The following DMD variants were observed in gnomAD, a reference collection of about 807,000 sequenced individuals.
The protein encoded by DMD is dystrophin.
Under a neutral mutation model 330.1 loss-of-function variants are expected in DMD, and 63 were observed. The ratio of observed to expected loss-of-function variants is 0.19; its 90% CI spans 0.16 to 0.24. The LOEUF is 0.24. Among genes scored for constraint, DMD ranks in the 10% least tolerant of loss-of-function variants. The probability of loss-of-function intolerance (pLI) is 1.00; values close to 1 mark genes in which losing one functional copy is unlikely to be tolerated. For missense variants in DMD, 3,344 were observed against 2,684.1 expected, an observed-to-expected ratio of 1.25 and a Z score of -5.43; for synonymous variants, 1,223 against 959.8, an observed-to-expected ratio of 1.27 and a Z score of -5.07.
intron 34 of DMD, among the ~76,000 whole-genome samples, chrX:32,377,415 G>A (rs998403077): frequency 5.4e-5 from 6 of 111,762 alleles, no homozygotes; most frequent in African/African-American, 1.9e-4. Flanking sequence ...TGTCGATGGT[G>A]AGTTTTCTTT....
At chrX:32,969,700 C>A (rs1158698684) in intron 2 of DMD, among the ~76,000 whole-genome samples, 1 of 94,491 alleles carries the variant, frequency 1.1e-5, no homozygotes, top group Non-Finnish European at 2.0e-5. Context: ...TGTATGTATG[C>A]ATACATATGC....
intron 2 of DMD, among the ~76,000 whole-genome samples, chrX:32,905,987 A>G (rs2086693738): frequency 8.9e-6 from 1 of 112,156 alleles, no homozygotes; most frequent in African/African-American, 3.2e-5. Flanking sequence ...TGAATGAATG[A>G]ATGAGTTAAT....
At chrX:31,397,096 G>T (rs2060980317) in intron 60 of DMD, among the ~76,000 whole-genome samples, 1 of 111,835 alleles carries the variant, frequency 8.9e-6, no homozygotes, top group East Asian at 2.8e-4. Flanking sequence ...CTTTGATGGG[G>T]CTCCTTTATT....
chrX:32,119,265 C>T (rs765367030), intron 44 of DMD, among the ~76,000 whole-genome samples: 11 of 102,064 alleles, frequency 1.1e-4, no homozygotes, highest in Middle Eastern at 5.5e-3. Flanking sequence ...ACCTGGGACG[C>T]GGAGGTTTCA....
intron 49 of DMD, among the ~76,000 whole-genome samples, chrX:31,833,660 AAG>A (rs767250145): frequency 9.0e-6 from 1 of 111,145 alleles, no homozygotes; most frequent in Non-Finnish European, 1.9e-5. Flanking sequence ...GGAAAGAAGA[AAG>A]AGGAAAGAAA....
intron 41 of DMD, among the ~76,000 whole-genome samples, chrX:32,336,333 A>AC (rs1221107480): frequency 3.6e-5 from 4 of 111,911 alleles, no homozygotes; most frequent in Non-Finnish European, 7.5e-5. Context: ...ATTTTAAATA[A>AC]CACATTTATT....
chrX:33,256,753 A>T (rs2052863262), intron 1 of DMD, among the ~76,000 whole-genome samples: 2 of 110,581 alleles, frequency 1.8e-5, no homozygotes, highest in Non-Finnish European at 3.8e-5. Flanking sequence ...TAGTAAGTGT[A>T]TCTTACTCAA....
intron 1 of DMD, among the ~76,000 whole-genome samples, chrX:33,228,278 A>AGTGTGTGTGTGT (rs60369848): frequency 0.035 from 3,262 of 93,420 alleles, 52 homozygotes; most frequent in Middle Eastern, 0.071. Flanking sequence ...CCCAAGTTTA[A>AGTGTGTGTGTGT]GTGTGTGTGT....
Position 33,054,777 on chromosome X carries a change from T to C in DMD, c.32-34577A>G, listed in dbSNP as rs187609706. ...AACATGATGGCTGATGCCAAGGTAA[T>C]GTTAGAACAGTGATCTCGAGGGAGA... On this transcript the variant is annotated intron_variant, in intron 1 of 78. Transcript: ENST00000357033. 3.3e-3 allele frequency among the ~76,000 whole-genome samples: 372 copies of C among 112,079 alleles called. 1 individual carries two copies. Among genetic ancestry groups the C allele is most frequent in the Non-Finnish European group, 5.5e-3 (291 of 53,260 alleles).
intron 44 of DMD, among the ~76,000 whole-genome samples, chrX:32,125,168 T>C (rs914259573): frequency 9.0e-6 from 1 of 110,786 alleles, no homozygotes; most frequent in South Asian, 3.9e-4. Context: ...ACACTATCTG[T>C]AGGCAGAACA....
At chrX:31,295,107 T>C (rs1015944911) in intron 62 of DMD, among the ~76,000 whole-genome samples, 3 of 110,824 alleles carry the variant, frequency 2.7e-5, no homozygotes, top group African/African-American at 9.9e-5. Flanking sequence ...GCCATTCTCC[T>C]GCCTCAGCCT....
intron 41 of DMD, among the ~76,000 whole-genome samples, chrX:32,333,030 T>A (rs1351942143): frequency 1.8e-5 from 2 of 111,678 alleles, no homozygotes; most frequent in Non-Finnish European, 3.8e-5. Flanking sequence ...GTACTACCTA[T>A]GGAAACTGAG....
intron 1 of DMD, among the ~76,000 whole-genome samples, chrX:33,185,887 G>A (rs750520590): frequency 7.3e-4 from 82 of 112,448 alleles, no homozygotes; most frequent in African/African-American, 2.6e-3. Flanking sequence ...GGTGAAATGA[G>A]TTTGGGAAAC....
intron 7 of DMD, among the ~76,000 whole-genome samples, chrX:32,721,386 G>T (rs2066294874): frequency 9.1e-6 from 1 of 109,493 alleles, no homozygotes; most frequent in Non-Finnish European, 1.9e-5. Context: ...TCATCTTTTA[G>T]ATAATACTCA....
chrX:31,947,209 T>C (rs2095098982), intron 45 of DMD, among the ~76,000 whole-genome samples: 1 of 111,518 alleles, frequency 9.0e-6, no homozygotes, highest in South Asian at 3.8e-4. Flanking sequence ...CACTGTAACC[T>C]CCAACTCCTG....
chrX:31,820,188 T>C, intron 49 of DMD, 105 bp from the exon 50 acceptor site: 1 of 689,143 alleles, frequency 1.5e-6, no homozygotes, highest in South Asian at 2.6e-5. Context: ...TTCTATTATA[T>C]TTTACTTCTA....
intron 2 of DMD, among the ~76,000 whole-genome samples, chrX:32,964,347 A>G (rs2092041265): frequency 9.1e-6 from 1 of 110,065 alleles, no homozygotes; most frequent in Non-Finnish European, 1.9e-5. Flanking sequence ...TGGGGGAAAA[A>G]CTGAAGCATT....
chrX:31,617,322 G>T (rs1319684444), intron 55 of DMD, among the ~76,000 whole-genome samples: 1 of 110,902 alleles, frequency 9.0e-6, no homozygotes, highest in Non-Finnish European at 1.9e-5. Context: ...ATCACCTGAG[G>T]TCAGGAGTTT....
At chrX:32,381,750 G>A (rs924085493) in intron 33 of DMD, among the ~76,000 whole-genome samples, 2 of 110,969 alleles carry the variant, frequency 1.8e-5, no homozygotes, top group Non-Finnish European at 3.8e-5. Context: ...ACTCTTACAA[G>A]TTGCTCCTGG....
Sources: gnomAD v4.1 joint callset for allele counts (sites outside exome capture counted in the v4.1 genomes callset) on GRCh38, gnomAD v4.1.1 for gene constraint, MANE v1.5 for transcripts, NCBI Gene and HGNC (gene_info 2026-07-23, HGNC 2026-07-21) for gene names.